Variants in FARP2 observed in about 807,000 individuals in gnomAD.
The protein encoded by FARP2 is FERM, ARH/RhoGEF and pleckstrin domain protein 2, also known as FERM, ARHGEF and pleckstrin domain-containing protein 2.
A neutral mutation model predicts 130.5 loss-of-function variants in FARP2; 111 were observed. That is an observed-to-expected ratio of 0.85 (90% CI 0.73 to 1.00). The LOEUF (loss-of-function observed/expected upper bound fraction) is 1.00. Ranked by LOEUF, FARP2 falls within the 50% of genes least tolerant of loss-of-function variation. The pLI is 0.00. For synonymous variants in FARP2, 504 were observed against 516.9 expected, an observed-to-expected ratio of 0.98 and a Z score of 0.34; for missense variants, 1,385 against 1,346.3, an observed-to-expected ratio of 1.03 and a Z score of -0.45.
intron 8 of FARP2, among the ~76,000 whole-genome samples, chr2:241,420,858 T>C (rs1031615527): frequency 1.3e-5 from 2 of 152,184 alleles, no homozygotes; most frequent in Non-Finnish European, 2.9e-5. Flanking sequence ...TAAGCACAGA[T>C]ATTTAAAATT....
intron 21 of FARP2, among the ~76,000 whole-genome samples, chr2:241,487,356 G>C (rs2064775506): frequency 1.3e-5 from 2 of 152,190 alleles, no homozygotes; most frequent in African/African-American, 4.8e-5. Flanking sequence ...CCCATTGTAA[G>C]AGGAAAATAG....
chr2:241,431,696 C>T lies in FARP2; in HGVS notation c.789C>T (p.Asn263=), dbSNP rs1451091037. 6.3e-7 allele frequency: 1 copy of T among 1,596,036 alleles called. No homozygotes were observed. The part of the protein sequence containing the change: ...VLVFQGTTKI[N]TFNWSKVRKL... ...CATTTCAGGGCACCACCAAAATCAA[C>T]ACTTTCAACTGGTCCAAGGTCCGTA... The change falls in exon 9 of 27, where the codon AAC becomes AAT. Residue 263 remains asparagine (N), a synonymous_variant. Coordinates refer to ENST00000264042, the MANE Select transcript of FARP2 (RefSeq NM_014808.4).
At chr2:241,474,317 CAAAAAAAAAAAAAAAA>C (rs56128645) in intron 18 of FARP2, among the ~76,000 whole-genome samples, 22 of 46,676 alleles carry the variant, frequency 4.7e-4, no homozygotes, top group East Asian at 4.3e-3. Context: ...GATTCCGTCT[CAAAAAAAAAAAAAAAA>C]AAAAAAAAAA....
chr2:241,464,089 T>C, intron 17 of FARP2, 109 bp downstream of exon 17: 1 of 849,810 alleles, frequency 1.2e-6, no homozygotes, highest in Admixed American at 2.1e-5. Context: ...AAGGGTCCCC[T>C]CAGAACAGGA....
At chr2:241,390,693 T>C (rs2061885181) in intron 2 of FARP2, among the ~76,000 whole-genome samples, 1 of 152,220 alleles carries the variant, frequency 6.6e-6, no homozygotes, top group Admixed American at 6.5e-5. Context: ...TTTAATTTTT[T>C]CCCATTTTTA....
chr2:241,493,086 A>G, intron 25 of FARP2, 50 bp downstream of exon 25: 1 of 1,182,768 alleles, frequency 8.5e-7, no homozygotes, highest in Non-Finnish European at 1.3e-6. Context: ...GCAGACAGAC[A>G]CTTAACCCTG....
intron 17 of FARP2, among the ~76,000 whole-genome samples, chr2:241,464,524 T>TG (rs2064117600): frequency 6.7e-6 from 1 of 148,938 alleles, no homozygotes; most frequent in Non-Finnish European, 1.5e-5. Flanking sequence ...CAAAGCAGGG[T>TG]TTCCCCAGAG....
chr2:241,432,610 G>C (rs1011068878), intron 9 of FARP2, among the ~76,000 whole-genome samples: 3 of 152,046 alleles, frequency 2.0e-5, no homozygotes, highest in Non-Finnish European at 2.9e-5. Context: ...TGATTATCAG[G>C]GAGTAAATAT....
intron 13 of FARP2, among the ~76,000 whole-genome samples, chr2:241,452,951 A>T (rs1222315152): frequency 6.6e-6 from 1 of 151,392 alleles, no homozygotes; most frequent in East Asian, 2.0e-4. Flanking sequence ...TCAAAAAAAA[A>T]AAAGAAAAAT....
intron 13 of FARP2, among the ~76,000 whole-genome samples, chr2:241,455,495 C>T (rs2063806103): frequency 6.6e-6 from 1 of 152,176 alleles, no homozygotes; most frequent in Non-Finnish European, 1.5e-5. Flanking sequence ...ATTCTCCTGC[C>T]TCAGCCTCCC....
intron 8 of FARP2, among the ~76,000 whole-genome samples, chr2:241,418,496 C>T (rs753557096): frequency 1.0e-5 from 1 of 100,486 alleles, no homozygotes; most frequent in Non-Finnish European, 2.2e-5. Context: ...GTGGAGCAGT[C>T]TCTGTGCTGT....
intron 7 of FARP2, among the ~76,000 whole-genome samples, chr2:241,417,347 G>A (rs573349477): frequency 6.6e-6 from 1 of 151,148 alleles, no homozygotes; most frequent in South Asian, 2.1e-4. Flanking sequence ...CTACTATCCC[G>A]TCACACTCAT....
At chr2:241,379,057 T>G (rs1001997162) in intron 2 of FARP2, among the ~76,000 whole-genome samples, 6 of 152,190 alleles carry the variant, frequency 3.9e-5, no homozygotes, top group Non-Finnish European at 8.8e-5. Context: ...AGAAATACTT[T>G]CAGCTCCAAA....
chr2:241,468,771 A>G (rs2064237916), intron 18 of FARP2, among the ~76,000 whole-genome samples: 1 of 152,230 alleles, frequency 6.6e-6, no homozygotes, highest in Non-Finnish European at 1.5e-5. Context: ...CTGCCTATGG[A>G]TGTTTCTGTC....
intron 18 of FARP2, among the ~76,000 whole-genome samples, chr2:241,472,036 G>A (rs1324889655): frequency 2.3e-5 from 2 of 87,726 alleles, no homozygotes; most frequent in African/African-American, 8.7e-5. Context: ...ACACTGTTCT[G>A]AGAAGACCCT....
At chr2:241,480,957 G>T (rs2064599119) in intron 19 of FARP2, among the ~76,000 whole-genome samples, 2 of 149,778 alleles carry the variant, frequency 1.3e-5, no homozygotes, top group East Asian at 2.0e-4. Context: ...AGTGGCTCAA[G>T]CCTATAGTCC....
At chr2:241,447,858 T>C (rs2063547381) in intron 13 of FARP2, among the ~76,000 whole-genome samples, 1 of 152,140 alleles carries the variant, frequency 6.6e-6, no homozygotes, top group Admixed American at 6.5e-5. Context: ...CCTTGCCCTT[T>C]TCGGACCTTG....
At chr2:241,479,115 G>C (rs1287102807) in intron 19 of FARP2, 1 of 443,096 alleles carries the variant, frequency 2.3e-6, no homozygotes, top group Non-Finnish European at 4.0e-6. Context: ...TAGAGATCTG[G>C]GTGTGAATCC....
At chr2:241,455,491 C>T (rs1438871294) in intron 13 of FARP2, among the ~76,000 whole-genome samples, 1 of 152,192 alleles carries the variant, frequency 6.6e-6, no homozygotes, top group Admixed American at 6.5e-5. Flanking sequence ...AGCGATTCTC[C>T]TGCCTCAGCC....
Sources: gnomAD v4.1 joint callset for allele counts (sites outside exome capture counted in the v4.1 genomes callset) on GRCh38, gnomAD v4.1.1 for gene constraint, MANE v1.5 for transcripts, NCBI Gene and HGNC (gene_info 2026-07-23, HGNC 2026-07-21) for gene names.